Variants in ANGPT2 observed in about 807,000 individuals in gnomAD.
The protein encoded by ANGPT2 is angiopoietin-2.
ANGPT2 carries 28 observed loss-of-function variants against 62.9 expected under a neutral mutation model. That is an observed-to-expected ratio of 0.44 (90% CI 0.33 to 0.61). The LOEUF is 0.61. ANGPT2 is among the 20% of genes least tolerant of loss of function. ANGPT2 has a pLI of 0.03. For missense variants in ANGPT2, 727 were observed against 594.9 expected (o/e 1.22, Z -2.31); for synonymous variants, 284 against 207.8 (o/e 1.37, Z -3.15).
At chr8:6,560,678 T>A (rs1405896461) in intron 1 of ANGPT2, among the ~76,000 whole-genome samples, 1 of 152,212 alleles carries the variant, frequency 6.6e-6, no homozygotes, top group Non-Finnish European at 1.5e-5. Flanking sequence ...ATTGTGCTAC[T>A]GCTGTTCAAA....
rs554342311 is a variant in ANGPT2 at position 6,548,022 on chromosome 8, C to T, written c.288+14625G>A. Among the ~76,000 whole-genome samples, 8 of 152,060 alleles carry T rather than the reference C, an allele frequency of 5.3e-5. No homozygotes were observed. In the East Asian group the frequency reaches 1.4e-3, roughly 26 times the overall value. ...CCTCAGTTGTAGAAATTTAGTTTCA[C>T]ATTTAAGTGGTCCAAGTGCCAGCTT... On this transcript the variant is annotated intron_variant, in intron 1 of 8. Coordinates refer to ENST00000629816, the MANE Select transcript of ANGPT2 (RefSeq NM_001118887.2).
chr8:6,532,524 A>G (rs970137410), intron 1 of ANGPT2, 37 bp from the exon 2 acceptor site: 10 of 1,508,174 alleles, frequency 6.6e-6, no homozygotes, highest in Non-Finnish European at 4.5e-6. Context: ...GTCATTAGTC[A>G]AATGACCGGA....
Position 6,527,495 on chromosome 8 carries a change from G to T in ANGPT2, c.566+60C>A, listed in dbSNP as rs922726306. On this transcript the variant is annotated intron_variant, in intron 3 of 8. Coordinates refer to ENST00000629816, the MANE Select transcript of ANGPT2 (RefSeq NM_001118887.2). ...TTCTGATAATTCATCATTTGAGACC[G>T]ACTTTCATATCTGGAAAGTGTGCAG... The T allele has an allele frequency of 3.3e-5, 52 of 1,569,432 alleles. No individual in the cohort carries two copies. The African/African-American group carries it at 6.0e-4, about 18-fold the overall frequency.
intron 7 of ANGPT2, 102 bp from the exon 8 acceptor site, chr8:6,509,164 C>T (rs1394498881): frequency 6.8e-7 from 1 of 1,462,118 alleles, no homozygotes; most frequent in Non-Finnish European, 9.2e-7. Context: ...GAAGCGTGTT[C>T]TGTACTCGTT....
At chr8:6,517,747 C>T (rs1193358432) in intron 5 of ANGPT2, among the ~76,000 whole-genome samples, 1 of 152,128 alleles carries the variant, frequency 6.6e-6, no homozygotes, top group Non-Finnish European at 1.5e-5. Context: ...AAACTGAGCT[C>T]TCAGAAAGGT....
intron 2 of ANGPT2, among the ~76,000 whole-genome samples, chr8:6,530,663 G>A (rs746073): frequency 0.7 from 105,971 of 151,946 alleles, 37,229 homozygotes; most frequent in Non-Finnish European, 0.72. Context: ...CTTATGATCC[G>A]TTATGTAAAA....
intron 1 of ANGPT2, among the ~76,000 whole-genome samples, chr8:6,561,304 T>A (rs1350327711): frequency 6.6e-6 from 1 of 152,186 alleles, no homozygotes; most frequent in Non-Finnish European, 1.5e-5. Flanking sequence ...TGATAGGTCA[T>A]TTTGGTAAGT....
Position 6,563,021 on chromosome 8 carries a change from G to A in ANGPT2, c.-87C>T. On this transcript the variant is annotated 5_prime_UTR_variant, in exon 1 of 9. Coordinates refer to ENST00000629816, the MANE Select transcript of ANGPT2 (RefSeq NM_001118887.2). Reference sequence around the variant, plus strand: ...CCGAGCTGCTGCCGTCTAAAACGCAGGGCTGCTACGCTGCCATGGCTGGGT... The same window carrying A: ...CCGAGCTGCTGCCGTCTAAAACGCAAGGCTGCTACGCTGCCATGGCTGGGT... 1 of 1,407,708 alleles carries A rather than the reference G, an allele frequency of 7.1e-7. No individual in the cohort carries two copies. Among genetic ancestry groups the A allele is most frequent in the Non-Finnish European group, 9.6e-7 (1 of 1,046,434 alleles). 87.2% of individuals were successfully genotyped at this position (1,407,708 alleles called of 1,614,324 possible). A position where few individuals can be genotyped will look rare whatever the true frequency, so the allele number is the denominator to read the frequency against.
intron 8 of ANGPT2, chr8:6,508,423 A>T (rs1036418762): frequency 6.1e-6 from 1 of 163,376 alleles, no homozygotes; most frequent in African/African-American, 2.4e-5. Context: ...CTGGACAACA[A>T]AGTAAGACTC....
chr8:6,550,555 C>T (rs1033342355), intron 1 of ANGPT2, among the ~76,000 whole-genome samples: 9 of 152,292 alleles, frequency 5.9e-5, no homozygotes, highest in Admixed American at 5.9e-4. Flanking sequence ...TGTTCCCACT[C>T]GGGGTGAGGG....
At chr8:6,541,210 G>T (rs1821497818) in intron 1 of ANGPT2, among the ~76,000 whole-genome samples, 1 of 152,212 alleles carries the variant, frequency 6.6e-6, no homozygotes, top group Admixed American at 6.5e-5. Flanking sequence ...CAGCACCAGA[G>T]GGTTTCCCTG....
chr8:6,509,900 C>T (rs1340749384), intron 7 of ANGPT2, among the ~76,000 whole-genome samples: 1 of 152,198 alleles, frequency 6.6e-6, no homozygotes, highest in African/African-American at 2.4e-5. Context: ...TGACTGGGAC[C>T]TGTGGCTCGC....
chr8:6,516,032 G>T (rs1586283486), intron 5 of ANGPT2, among the ~76,000 whole-genome samples: 1 of 152,198 alleles, frequency 6.6e-6, no homozygotes, highest in Admixed American at 6.5e-5. Context: ...CTTCTCCCCA[G>T]CATGGTTCTG....
chr8:6,516,730 A>G (rs1001876746), intron 5 of ANGPT2, among the ~76,000 whole-genome samples: 2 of 152,202 alleles, frequency 1.3e-5, no homozygotes, highest in African/African-American at 2.4e-5. Flanking sequence ...GGTTGAAAGC[A>G]TTGACGTGGC....
At chr8:6,504,198 G>A (rs11779671) in intron 8 of ANGPT2, among the ~76,000 whole-genome samples, 18 of 150,906 alleles carry the variant, frequency 1.2e-4, no homozygotes, top group Non-Finnish European at 1.6e-4. Flanking sequence ...GACGCCTGTA[G>A]TCCCAGCTAC....
chr8:6,501,023 C>T lies in ANGPT2; in HGVS notation c.*2078G>A, dbSNP rs1210222784. On this transcript the variant is annotated 3_prime_UTR_variant, in exon 9 of 9. Transcript: ENST00000629816. The stretch of plus-strand genomic sequence containing the variant: ...CGAGGCTGTGAAATTTTCTTATTTT[C>T]AGTTGTTTTTCAACTTGATACAAGG... The T allele has an allele frequency of 6.6e-6, 1 of 152,170 alleles. No homozygotes were observed. Among genetic ancestry groups the T allele is most frequent in the African/African-American group, 2.4e-5 (1 of 41,462 alleles). 9.4% of individuals were successfully genotyped at this position (152,170 alleles called of 1,614,324 possible). A position where few individuals can be genotyped will look rare whatever the true frequency, so the allele number is the denominator to read the frequency against.
chr8:6,525,100 A>C (rs1311909422), intron 3 of ANGPT2, among the ~76,000 whole-genome samples: 1 of 152,176 alleles, frequency 6.6e-6, no homozygotes, highest in East Asian at 1.9e-4. Context: ...TGACAGTAAC[A>C]TTTTCTGACT....
intron 2 of ANGPT2, among the ~76,000 whole-genome samples, chr8:6,531,491 C>T (rs1280515278): frequency 6.6e-6 from 1 of 152,054 alleles, no homozygotes; most frequent in African/African-American, 2.4e-5. Context: ...GGGTTTTCGC[C>T]ATGTTGGCCA....
intron 3 of ANGPT2, among the ~76,000 whole-genome samples, chr8:6,523,506 G>A (rs1256262789): frequency 1.3e-5 from 2 of 152,188 alleles, no homozygotes; most frequent in African/African-American, 2.4e-5. Context: ...AGAGAGTAGA[G>A]ACTATGTATT....
Sources: gnomAD v4.1 joint callset for allele counts (sites outside exome capture counted in the v4.1 genomes callset) on GRCh38, gnomAD v4.1.1 for gene constraint, MANE v1.5 for transcripts, NCBI Gene and HGNC (gene_info 2026-07-23, HGNC 2026-07-21) for gene names.